Variants in MKX observed in about 807,000 individuals in gnomAD.
MKX encodes mohawk homeobox, also known as homeobox protein Mohawk.
Under a neutral mutation model 36.0 loss-of-function variants are expected in MKX, and 13 were observed. The ratio of observed to expected loss-of-function variants is 0.36; its 90% CI spans 0.24 to 0.57. MKX has a LOEUF of 0.57. MKX is among the 20% of genes least tolerant of loss of function. The pLI, the probability that MKX is intolerant of heterozygous loss-of-function variation, is 0.79. For synonymous variants in MKX, 176 were observed against 178.3 expected (o/e 0.99, Z 0.10); for missense variants, 458 against 456.4 (o/e 1.00, Z -0.03).
chr10:27,733,238 T>A (rs1834672319), intron 5 of MKX, among the ~76,000 whole-genome samples: 1 of 152,244 alleles, frequency 6.6e-6, no homozygotes, highest in Admixed American at 6.5e-5. Context: ...TGAATCTTTG[T>A]AGATCATTTG....
At chr10:27,696,465 T>G (rs917458201) in intron 5 of MKX, among the ~76,000 whole-genome samples, 1 of 152,172 alleles carries the variant, frequency 6.6e-6, no homozygotes, top group African/African-American at 2.4e-5. Flanking sequence ...CAATCCAGAA[T>G]AGTTTTTGTA....
At chr10:27,687,009 CT>C (rs773711831) in intron 5 of MKX, among the ~76,000 whole-genome samples, 56 of 62,778 alleles carry the variant, frequency 8.9e-4, no homozygotes, top group South Asian at 1.4e-3. Context: ...ACACCTCTCT[CT>C]TTTTTTTTTT....
rs774956262 is a variant in MKX, at chr10:27,734,547, G to A, written c.747C>T (p.Asn249=). Residue 249 remains asparagine, a synonymous_variant, in exon 5 of 7, where the codon AAC becomes AAT. Transcript: ENST00000419761. Reference sequence around the variant, plus strand: ...CATTGGAGCTAAAAGATCCCGAGTGGTTTCTTTGCCTTGTTTTTCCCATCA... The same window carrying A: ...CATTGGAGCTAAAAGATCCCGAGTGATTTCTTTGCCTTGTTTTTCCCATCA... ...TTMMGKTRQR[N]HSGSFSSNEF... is the part of the protein sequence containing the mutation. 1.2e-6 allele frequency: 2 copies of A among 1,614,152 alleles called. No homozygotes were observed. The highest frequency in any genetic ancestry group is 2.2e-5 in the East Asian group (1 of 44,886).
Position 27,741,320 on chromosome 10 carries a change from C to G in MKX, c.348+25G>C. The G allele has an allele frequency of 6.2e-7, 1 of 1,608,868 alleles. No homozygotes were observed. Among genetic ancestry groups the G allele is most frequent in the South Asian group, 1.1e-5 (1 of 90,008 alleles). On this transcript the variant is annotated intron_variant, in intron 3 of 6. Transcript: ENST00000419761. This position sits in a 1 kb window ranked among gnomAD's most constrained non-coding sequence, Gnocchi z 5.1. ...TTCAGCCCCTCGCGGGAAAACGGAT[C>G]AGGGTGTTAATGGGTCCTGATTACC... is the stretch of plus-strand genomic sequence containing the variant.
chr10:27,734,322 C>G (rs530902987), intron 5 of MKX, 134 bp downstream of exon 5: 7 of 791,450 alleles, frequency 8.8e-6, no homozygotes, highest in African/African-American at 8.8e-5. Flanking sequence ...AAAACGAAAG[C>G]TTTAAAACTG....
At chr10:27,706,405 G>A (rs1836756236) in intron 5 of MKX, among the ~76,000 whole-genome samples, 2 of 152,280 alleles carry the variant, frequency 1.3e-5, no homozygotes, top group South Asian at 4.1e-4. Context: ...CCCAGAAGGT[G>A]CATTGCTGGA....
At chr10:27,701,720 T>TTTATA (rs376837105) in intron 5 of MKX, among the ~76,000 whole-genome samples, 8 of 145,344 alleles carry the variant, frequency 5.5e-5, no homozygotes, top group South Asian at 2.1e-4. Context: ...ATATGACATA[T>TTTATA]TTATATTATA....
At chr10:27,710,070 C>T (rs1836825364) in intron 5 of MKX, among the ~76,000 whole-genome samples, 2 of 152,024 alleles carry the variant, frequency 1.3e-5, no homozygotes, top group Non-Finnish European at 2.9e-5. Flanking sequence ...GCTGGGTTGC[C>T]TCATGTGGCT....
At chr10:27,675,448 A>C in intron 6 of MKX, 33 bp from the exon 7 acceptor site, 2 of 1,614,112 alleles carry the variant, frequency 1.2e-6, no homozygotes, top group South Asian at 2.2e-5. Context: ...GTAAACGATC[A>C]AACTCACTGC....
At chr10:27,737,135 G>A (rs774166310) in intron 3 of MKX, among the ~76,000 whole-genome samples, 4 of 152,142 alleles carry the variant, frequency 2.6e-5, no homozygotes, top group Admixed American at 2.0e-4. Context: ...AACATTAGCT[G>A]TGGAAGCACA....
At chr10:27,719,011 C>T (rs141154034) in intron 5 of MKX, among the ~76,000 whole-genome samples, 2 of 152,246 alleles carry the variant, frequency 1.3e-5, no homozygotes, top group African/African-American at 2.4e-5. Flanking sequence ...ACCATAAAAT[C>T]ATTTGCTAAA....
chr10:27,694,527 A>AAAAATATATATAT (rs547670335), intron 5 of MKX, among the ~76,000 whole-genome samples: 233 of 114,312 alleles, frequency 2.0e-3, no homozygotes, highest in African/African-American at 7.4e-3. Context: ...AAAAAAAAAA[A>AAAAATATATATAT]ATATATATAT....
chr10:27,700,612 A>G (rs1459950480), intron 5 of MKX, among the ~76,000 whole-genome samples: 1 of 152,150 alleles, frequency 6.6e-6, no homozygotes, highest in Non-Finnish European at 1.5e-5. Flanking sequence ...ATATCTACAT[A>G]ACAAAAGATA....
At chr10:27,739,205 A>G (rs1834841187) in intron 3 of MKX, among the ~76,000 whole-genome samples, 1 of 152,102 alleles carries the variant, frequency 6.6e-6, no homozygotes, top group Non-Finnish European at 1.5e-5. Context: ...AAAGCTGTTT[A>G]TATTTTGAGA....
intron 5 of MKX, among the ~76,000 whole-genome samples, chr10:27,711,494 T>TTTC (rs773287899): frequency 6.7e-4 from 23 of 34,158 alleles, no homozygotes; most frequent in African/African-American, 2.7e-3. Flanking sequence ...TCTCTCTCTC[T>TTTC]CTTCTTTCCT....
chr10:27,675,924 G>C (rs1486832473), intron 5 of MKX, among the ~76,000 whole-genome samples: 1 of 152,122 alleles, frequency 6.6e-6, no homozygotes, highest in East Asian at 1.9e-4. Flanking sequence ...TGTAACCTGG[G>C]GGCAGATTAT....
rs1234659574 is a variant in MKX at position 27,675,174 on chromosome 10, G to A, written c.*55C>T. ...ATCCCTGCTTCGGCTCTTAGGATGAGGGTTGATGAAAACACCGGAAAGAAC... is the reference window on the plus strand; with the variant it reads ...ATCCCTGCTTCGGCTCTTAGGATGAAGGTTGATGAAAACACCGGAAAGAAC... On this transcript the variant is annotated 3_prime_UTR_variant, in exon 7 of 7. Transcript: ENST00000419761. 3.9e-6 allele frequency: 6 copies of A among 1,553,886 alleles called. No homozygotes were observed. Among genetic ancestry groups the A allele is most frequent in the East Asian group, 2.3e-5 (1 of 44,412 alleles).
chr10:27,687,319 T>C (rs1025553534), intron 5 of MKX, among the ~76,000 whole-genome samples: 18 of 152,198 alleles, frequency 1.2e-4, no homozygotes, highest in African/African-American at 4.1e-4. Flanking sequence ...TTCTCTATTT[T>C]GAACCAACAG....
At chr10:27,727,877 G>C (rs1353681453) in intron 5 of MKX, among the ~76,000 whole-genome samples, 1 of 152,216 alleles carries the variant, frequency 6.6e-6, no homozygotes, top group Non-Finnish European at 1.5e-5. Context: ...CCAAAGCTGT[G>C]CTGAATAGTG....
Sources: gnomAD v4.1 joint callset for allele counts (sites outside exome capture counted in the v4.1 genomes callset) on GRCh38, gnomAD v4.1.1 for gene constraint, Gnocchi (gnomAD v3.1) non-coding constraint, MANE v1.5 for transcripts, NCBI Gene and HGNC (gene_info 2026-07-23, HGNC 2026-07-21) for gene names.